DAB1: variants seen among roughly 807,000 people sequenced by gnomAD.
DAB1 encodes the protein disabled homolog 1.
DAB1 carries 15 observed loss-of-function variants against 64.6 expected under a neutral mutation model. That is an observed-to-expected ratio of 0.23 (90% CI 0.16 to 0.36). The LOEUF (loss-of-function observed/expected upper bound fraction) is 0.36. Among genes scored for constraint, DAB1 ranks in the 10% least tolerant of loss-of-function variants. DAB1 has a pLI of 1.00. For synonymous variants in DAB1, 235 were observed against 251.9 expected (o/e 0.93, Z 0.64); for missense variants, 596 against 706.7 (o/e 0.84, Z 1.78).
chr1:57,250,402 G>T (rs560069085), intron 2 of DAB1, among the ~76,000 whole-genome samples: 1 of 152,042 alleles, frequency 6.6e-6, no homozygotes, highest in Non-Finnish European at 1.5e-5. Flanking sequence ...TAAAATACTG[G>T]TGTACCTACG....
intron 3 of DAB1, among the ~76,000 whole-genome samples, chr1:58,432,482 G>T (rs749829723): frequency 3.3e-5 from 5 of 152,146 alleles, no homozygotes; most frequent in Non-Finnish European, 4.4e-5. Context: ...GAATAAATGA[G>T]TCAAGACACA....
At chr1:58,180,821 T>G (rs572071305) in intron 4 of DAB1, among the ~76,000 whole-genome samples, 1 of 152,236 alleles carries the variant, frequency 6.6e-6, no homozygotes, top group Non-Finnish European at 1.5e-5. Context: ...GATACTGGTT[T>G]TGTTGGACAA....
intron 6 of DAB1, among the ~76,000 whole-genome samples, chr1:57,799,139 A>G (rs1282282281): frequency 6.6e-6 from 1 of 152,156 alleles, no homozygotes; most frequent in Non-Finnish European, 1.5e-5. Context: ...ATGGGTATAC[A>G]TTTTTATCAA....
chr1:58,325,879 T>A (rs149145271), intron 4 of DAB1, among the ~76,000 whole-genome samples: 14 of 152,308 alleles, frequency 9.2e-5, no homozygotes, highest in Admixed American at 3.3e-4. Flanking sequence ...GAAGCTTTAT[T>A]GATCCAAGTG....
intron 1 of DAB1, among the ~76,000 whole-genome samples, chr1:57,830,848 A>C (rs969908480): frequency 3.9e-5 from 6 of 152,206 alleles, no homozygotes; most frequent in African/African-American, 7.2e-5. Flanking sequence ...AAAAATCTTG[A>C]GTACTAAGTC....
chr1:57,168,837 T>C (rs1184445190), intron 2 of DAB1, among the ~76,000 whole-genome samples: 1 of 152,078 alleles, frequency 6.6e-6, no homozygotes, highest in Non-Finnish European at 1.5e-5. Flanking sequence ...AAGAGGATCA[T>C]TTGAGGGCAG....
chr1:58,200,149 A>C (rs1214355389), intron 4 of DAB1, among the ~76,000 whole-genome samples: 1 of 152,182 alleles, frequency 6.6e-6, no homozygotes, highest in East Asian at 1.9e-4. Context: ...GACACATTTG[A>C]AAAGTATTCA....
At chr1:57,235,812 T>A (rs954138497) in intron 2 of DAB1, among the ~76,000 whole-genome samples, 1 of 152,176 alleles carries the variant, frequency 6.6e-6, no homozygotes, top group African/African-American at 2.4e-5. Flanking sequence ...TCCTTAACAT[T>A]AAACTTGAAG....
chr1:57,363,809 C>G (rs1679747133), intron 1 of DAB1, among the ~76,000 whole-genome samples: 1 of 152,264 alleles, frequency 6.6e-6, no homozygotes, highest in East Asian at 1.9e-4. Flanking sequence ...CTAAAATCAG[C>G]TGATATTTGT....
intron 2 of DAB1, among the ~76,000 whole-genome samples, chr1:57,251,753 C>T (rs1357181246): frequency 6.6e-6 from 1 of 152,172 alleles, no homozygotes; most frequent in Non-Finnish European, 1.5e-5. Flanking sequence ...AACCCTTTTT[C>T]ACCAAACAAA....
At chr1:57,087,272 G>T (rs1033415660) in intron 4 of DAB1, among the ~76,000 whole-genome samples, 1 of 152,198 alleles carries the variant, frequency 6.6e-6, no homozygotes, top group African/African-American at 2.4e-5. Flanking sequence ...ACTGTAATAG[G>T]GCATGGCAAG....
chr1:57,271,826 A>C (rs1671023006), intron 2 of DAB1, among the ~76,000 whole-genome samples: 1 of 152,196 alleles, frequency 6.6e-6, no homozygotes, highest in Non-Finnish European at 1.5e-5. Flanking sequence ...GGTGGGCTGT[A>C]ATCACTACTG....
intron 4 of DAB1, among the ~76,000 whole-genome samples, chr1:58,274,338 C>T (rs1304369270): frequency 7.8e-6 from 1 of 128,942 alleles, no homozygotes; most frequent in Non-Finnish European, 1.7e-5. Context: ...GGTCAGGGAC[C>T]CACTTGAGGA....
intron 6 of DAB1, among the ~76,000 whole-genome samples, chr1:57,784,520 A>G (rs961823129): frequency 2.8e-4 from 43 of 152,186 alleles, no homozygotes; most frequent in African/African-American, 1.0e-3. Flanking sequence ...GTGAATAAGG[A>G]AGTGAAACAG....
At chr1:57,350,246 T>G (rs1678470252) in intron 1 of DAB1, among the ~76,000 whole-genome samples, 1 of 152,180 alleles carries the variant, frequency 6.6e-6, no homozygotes, top group Admixed American at 6.5e-5. Context: ...TTTTTAAAAA[T>G]GAGGACACTG....
At chr1:57,377,141 G>A (rs563941627) in intron 1 of DAB1, among the ~76,000 whole-genome samples, 50 of 152,200 alleles carry the variant, frequency 3.3e-4, no homozygotes, top group African/African-American at 7.7e-4. Context: ...ATGGTGGCAC[G>A]TGCCTGTAAC....
chr1:57,561,258 G>A (rs938859726), intron 7 of DAB1, among the ~76,000 whole-genome samples: 7 of 152,152 alleles, frequency 4.6e-5, no homozygotes, highest in African/African-American at 1.4e-4. Context: ...CCATCCAAAC[G>A]TGGACAGCTG....
intron 4 of DAB1, among the ~76,000 whole-genome samples, chr1:58,190,926 G>T (rs2100229741): frequency 6.6e-6 from 1 of 152,270 alleles, no homozygotes; most frequent in South Asian, 2.1e-4. Context: ...TCCCGCATGG[G>T]TGGAGGAAAG....
At chr1:58,347,325 C>T (rs112681084) in intron 3 of DAB1, among the ~76,000 whole-genome samples, 3,115 of 152,262 alleles carry the variant, frequency 0.02, 55 homozygotes, top group Non-Finnish European at 0.035. Flanking sequence ...TCAGGCTGGT[C>T]GCAAACTCCT....
Sources: gnomAD v4.1 joint callset for allele counts (sites outside exome capture counted in the v4.1 genomes callset) on GRCh38, gnomAD v4.1.1 for gene constraint, MANE v1.5 for transcripts, NCBI Gene and HGNC (gene_info 2026-07-23, HGNC 2026-07-21) for gene names.